STK3: variants seen among roughly 807,000 people sequenced by gnomAD.
STK3 encodes the protein serine/threonine kinase 3.
STK3 carries 41 observed loss-of-function variants against 58.0 expected under a neutral mutation model. The ratio of observed to expected loss-of-function variants is 0.71; its 90% CI spans 0.55 to 0.92. The LOEUF (loss-of-function observed/expected upper bound fraction) is 0.92, where lower values mean the gene tolerates loss of function less well. STK3 is among the 40% of genes least tolerant of loss of function. The pLI, the probability that STK3 is intolerant of heterozygous loss-of-function variation, is 0.00. For synonymous variants in STK3, 170 were observed against 191.0 expected, an observed-to-expected ratio of 0.89 and a Z score of 0.91; for missense variants, 479 against 602.7, an observed-to-expected ratio of 0.79 and a Z score of 2.15.
At chr8:98,574,411 A>G (rs1398838128) in intron 8 of STK3, among the ~76,000 whole-genome samples, 2 of 152,180 alleles carry the variant, frequency 1.3e-5, no homozygotes, top group African/African-American at 4.8e-5. Flanking sequence ...TATGGTCTAA[A>G]TATCAAGCTG....
chr8:98,666,187 T>C (rs1176029383), intron 6 of STK3, among the ~76,000 whole-genome samples: 1 of 147,608 alleles, frequency 6.8e-6, no homozygotes, highest in African/African-American at 2.5e-5. Context: ...TTTTTGTAAA[T>C]GTAAAAAAAA....
At chr8:98,516,092 A>T (rs1052536748) in intron 10 of STK3, among the ~76,000 whole-genome samples, 5 of 152,098 alleles carry the variant, frequency 3.3e-5, no homozygotes, top group Non-Finnish European at 5.9e-5. Flanking sequence ...CAATATAAAG[A>T]CTGGCTACTT....
chr8:98,398,111 C>T (rs1032120881), downstream of STK3, among the ~76,000 whole-genome samples: 48 of 152,198 alleles, frequency 3.2e-4, no homozygotes, highest in Non-Finnish European at 2.9e-4. Context: ...GCAGGAAAAC[C>T]TGCTGCCACC....
intron 3 of STK3, among the ~76,000 whole-genome samples, chr8:98,861,363 T>TC (rs1836930979): frequency 1.4e-5 from 2 of 144,790 alleles, no homozygotes; most frequent in Non-Finnish European, 1.5e-5. Flanking sequence ...TTTTTTTTTT[T>TC]TTTTTTTTTA....
intron 3 of STK3, among the ~76,000 whole-genome samples, chr8:98,844,016 C>T (rs540782512): frequency 1.3e-5 from 2 of 152,240 alleles, no homozygotes; most frequent in Admixed American, 6.5e-5. Flanking sequence ...ATTAATTAAG[C>T]CAGGTGCAGT....
intron 3 of STK3, chr8:98,432,539 C>G (rs901818749): frequency 6.0e-6 from 1 of 167,012 alleles, no homozygotes; most frequent in Admixed American, 6.5e-5. Context: ...ATTTGTAGCT[C>G]GTAAGGTAGT....
intron 10 of STK3, among the ~76,000 whole-genome samples, chr8:98,482,869 A>G (rs1403439547): frequency 6.6e-6 from 1 of 152,206 alleles, no homozygotes; most frequent in South Asian, 2.1e-4. Context: ...AAGTGTTGAC[A>G]TTAAATCTTT....
intron 6 of STK3, among the ~76,000 whole-genome samples, chr8:98,705,203 T>C (rs1825880468): frequency 6.6e-6 from 1 of 152,080 alleles, no homozygotes; most frequent in Admixed American, 6.6e-5. Flanking sequence ...GGCGGATCGC[T>C]TGAGCCCAGA....
chr8:98,428,450 C>G lies in STK3; in HGVS notation n.483+5677G>C, dbSNP rs762692688. ...ATGAGATCCTTGCCTTCTACAACGA[C>G]GCCTCCAAGTTCGATGGGCAGCCCC... On this transcript the variant is annotated intron_variant and non_coding_transcript_variant, in intron 3 of 3. Transcript: ENST00000517832. This position sits in a 1 kb window ranked among gnomAD's most constrained non-coding sequence, Gnocchi z 6.7. The G allele has an allele frequency of 1.9e-6, 3 of 1,614,136 alleles. No individual in the cohort carries two copies. The East Asian group carries it at 6.7e-5, about 36-fold the overall frequency.
At chr8:98,541,069 G>T (rs1810216608) in intron 9 of STK3, among the ~76,000 whole-genome samples, 1 of 152,182 alleles carries the variant, frequency 6.6e-6, no homozygotes, top group African/African-American at 2.4e-5. Flanking sequence ...AGTAGTAGTT[G>T]TTCCTTATAT....
intron 3 of STK3, among the ~76,000 whole-genome samples, chr8:98,854,803 C>A (rs547640800): frequency 3.2e-4 from 48 of 152,194 alleles, no homozygotes; most frequent in Admixed American, 5.2e-4. Flanking sequence ...CACCTGTAAT[C>A]CTAGCAATTT....
the STK3 span, among the ~76,000 whole-genome samples, chr8:98,349,742 TG>T: frequency 2.0e-5 from 3 of 152,232 alleles, no homozygotes; most frequent in Non-Finnish European, 4.4e-5. Flanking sequence ...GCTTGGGACT[TG>T]CACCCTCTGA....
chr8:98,651,329 A>C (rs1820909789), intron 6 of STK3: 1 of 152,334 alleles, frequency 6.6e-6, no homozygotes, highest in Admixed American at 6.5e-5. Flanking sequence ...ATCCACACCA[A>C]AAACCCATCT....
chr8:98,471,673 A>T (rs1820929489), intron 10 of STK3, among the ~76,000 whole-genome samples: 2 of 152,152 alleles, frequency 1.3e-5, no homozygotes. Context: ...TCATATCACC[A>T]AAAAACTTTA....
At chr8:98,658,035 A>C (rs1257672474) in intron 6 of STK3, among the ~76,000 whole-genome samples, 1 of 152,074 alleles carries the variant, frequency 6.6e-6, no homozygotes, top group Non-Finnish European at 1.5e-5. Flanking sequence ...GGAAGAAATA[A>C]AATACAAATT....
intron 1 of STK3, among the ~76,000 whole-genome samples, chr8:98,886,341 A>G (rs553622082): frequency 6.6e-6 from 1 of 152,378 alleles, no homozygotes; most frequent in African/African-American, 2.4e-5. Flanking sequence ...AAACCTCCAC[A>G]TGACAGGTTG....
At chr8:98,634,659 TG>T (rs1355711339) in intron 6 of STK3, among the ~76,000 whole-genome samples, 1 of 152,152 alleles carries the variant, frequency 6.6e-6, no homozygotes, top group African/African-American at 2.4e-5. Flanking sequence ...TTGGAGATAT[TG>T]GATTTGAATT....
rs144362730 is a variant in STK3 at position 98,428,028 on chromosome 8, G to T, written n.483+6099C>A. On this transcript the variant is annotated intron_variant and non_coding_transcript_variant, in intron 3 of 3. Coordinates refer to the STK3 transcript ENST00000517832. This position sits in a 1 kb window ranked among gnomAD's most constrained non-coding sequence, Gnocchi z 6.7. ...CGTGTCGGAGGCTAACGTCGAGGAC[G>T]GGGAGATCCGCATCAATGTGGGCGG... The T allele has an allele frequency of 1.9e-6, 3 of 1,605,082 alleles. No homozygotes were observed. Among genetic ancestry groups the T allele is most frequent in the Middle Eastern group, 1.7e-4 (1 of 6,038 alleles).
rs146107270 is a variant in STK3, at chr8:98,729,486, C to A, written c.351+19790G>T. Among the ~76,000 whole-genome samples, 8 of 152,246 alleles carry A rather than the reference C, an allele frequency of 5.3e-5. No individual in the cohort carries two copies. In the East Asian group the frequency reaches 1.5e-3, roughly 29 times the overall value. Reference sequence around the variant, plus strand: ...GTCTATGTTATGGAATGTATACTTTCTTCATTAACAACAATAATTCAAAGT... The same window carrying A: ...GTCTATGTTATGGAATGTATACTTTATTCATTAACAACAATAATTCAAAGT... On this transcript the variant is annotated intron_variant, in intron 4 of 10. Transcript: ENST00000419617.
Sources: allele counts gnomAD v4.1 joint callset (sites outside exome capture counted in the v4.1 genomes callset), GRCh38; gene constraint gnomAD v4.1.1; non-coding constraint Gnocchi (gnomAD v3.1); transcripts MANE v1.5; gene names NCBI Gene and HGNC (gene_info 2026-07-23, HGNC 2026-07-21).